Variants in WDPCP observed in about 807,000 individuals in gnomAD.
WDPCP encodes the protein WD repeat containing planar cell polarity effector.
WDPCP carries 71 observed loss-of-function variants against 93.1 expected under a neutral mutation model. The observed-to-expected ratio is 0.76, with a 90% CI of 0.63 to 0.93. The LOEUF is 0.93. Ranked by LOEUF, WDPCP falls within the 40% of genes least tolerant of loss-of-function variation. The pLI is 0.00. For missense variants in WDPCP, 844 were observed against 887.4 expected (o/e 0.95, Z 0.62); for synonymous variants, 315 against 315.0 (o/e 1.00, Z 0.00).
upstream of WDPCP, among the ~76,000 whole-genome samples, chr2:63,829,128 T>G (rs552042884): frequency 1.4e-4 from 22 of 152,240 alleles, no homozygotes; most frequent in South Asian, 4.4e-3. Flanking sequence ...ACAATCCAAT[T>G]CTACTTCCTA....
intron 12 of WDPCP, among the ~76,000 whole-genome samples, chr2:63,350,429 T>TA (rs1310860905): frequency 4.0e-5 from 6 of 149,104 alleles, no homozygotes; most frequent in African/African-American, 1.5e-4. Flanking sequence ...TCCTAGAACT[T>TA]AGAGTATAAA....
chr2:63,585,794 T>C (rs1220654206), intron 1 of WDPCP, among the ~76,000 whole-genome samples: 1 of 151,698 alleles, frequency 6.6e-6, no homozygotes, highest in East Asian at 1.9e-4. Flanking sequence ...AACAATTTTA[T>C]ATATGCTAGA....
chr2:63,813,897 T>C (rs1670893557), intron 1 of WDPCP, among the ~76,000 whole-genome samples: 1 of 152,226 alleles, frequency 6.6e-6, no homozygotes, highest in South Asian at 2.1e-4. Flanking sequence ...TGTTTGCTGA[T>C]AAATACTAAT....
intron 3 of WDPCP, 80 bp from the exon 4 acceptor site, chr2:63,486,666 T>G: frequency 8.3e-7 from 1 of 1,199,510 alleles, no homozygotes; most frequent in Non-Finnish European, 1.2e-6. Flanking sequence ...TATTTTAATA[T>G]GTACATGTAT....
intron 1 of WDPCP, among the ~76,000 whole-genome samples, chr2:63,547,191 CCA>C (rs1705216903): frequency 1.3e-5 from 2 of 151,758 alleles, no homozygotes; most frequent in African/African-American, 4.8e-5. Context: ...TAAATCAAAA[CCA>C]CAGAGACATC....
intron 2 of WDPCP, among the ~76,000 whole-genome samples, chr2:63,488,569 A>G (rs1700701614): frequency 6.6e-6 from 1 of 151,908 alleles, no homozygotes; most frequent in Non-Finnish European, 1.5e-5. Flanking sequence ...TTGGATACTG[A>G]TATTTTATTT....
chr2:63,489,246 T>A (rs1700736588), intron 2 of WDPCP, among the ~76,000 whole-genome samples: 1 of 152,018 alleles, frequency 6.6e-6, no homozygotes, highest in Admixed American at 6.6e-5. Flanking sequence ...GGTTTCCCAC[T>A]GTCTGAGAAG....
the WDPCP span, among the ~76,000 whole-genome samples, chr2:63,838,509 T>C: frequency 6.6e-6 from 1 of 152,314 alleles, no homozygotes; most frequent in South Asian, 2.1e-4. Flanking sequence ...TCACAATCCA[T>C]TTCACTCCAG....
intron 12 of WDPCP, among the ~76,000 whole-genome samples, chr2:63,364,538 C>G (rs575249601): frequency 6.6e-6 from 1 of 152,304 alleles, no homozygotes; most frequent in South Asian, 2.1e-4. Context: ...CCCTGCCTGT[C>G]ACCTGTCCTA....
At chr2:63,731,499 C>CAAT (rs1669561412) in intron 2 of WDPCP, among the ~76,000 whole-genome samples, 1 of 152,056 alleles carries the variant, frequency 6.6e-6, no homozygotes, top group Non-Finnish European at 1.5e-5. Context: ...CACAAGGCAA[C>CAAT]CCTGTACCCA....
intron 14 of WDPCP, among the ~76,000 whole-genome samples, chr2:63,256,411 T>A (rs1287671774): frequency 6.6e-6 from 1 of 152,132 alleles, no homozygotes; most frequent in African/African-American, 2.4e-5. Flanking sequence ...CAATACCTTT[T>A]CCACCGGAAT....
At chr2:63,151,069 C>G (rs1671855112) in intron 17 of WDPCP, among the ~76,000 whole-genome samples, 1 of 152,164 alleles carries the variant, frequency 6.6e-6, no homozygotes, top group Non-Finnish European at 1.5e-5. Context: ...AAAAACCATC[C>G]TATACTTTAG....
intron 2 of WDPCP, among the ~76,000 whole-genome samples, chr2:63,660,795 C>T (rs997263664): frequency 2.0e-5 from 3 of 152,124 alleles, no homozygotes; most frequent in Admixed American, 1.3e-4. Context: ...TTTAGTAACA[C>T]AGTATTATTT....
At chr2:63,344,470 T>C (rs1689054834) in intron 12 of WDPCP, among the ~76,000 whole-genome samples, 2 of 152,186 alleles carry the variant, frequency 1.3e-5, no homozygotes, top group South Asian at 4.1e-4. Context: ...AAACCCAGGG[T>C]GCATCTCATT....
chr2:63,622,433 G>A (rs752437713), intron 3 of WDPCP: 23 of 1,613,862 alleles, frequency 1.4e-5, no homozygotes, highest in East Asian at 2.2e-5. Flanking sequence ...ATAAGCTAGA[G>A]GAGACCCAGG....
intron 2 of WDPCP, among the ~76,000 whole-genome samples, chr2:63,740,919 C>T (rs537856019): frequency 3.9e-5 from 6 of 152,240 alleles, no homozygotes; most frequent in Admixed American, 3.3e-4. Context: ...TATATAATTG[C>T]TTTACTTCTA....
chr2:63,720,580 T>C (rs573948498), intron 2 of WDPCP, among the ~76,000 whole-genome samples: 8 of 152,276 alleles, frequency 5.3e-5, no homozygotes, highest in Non-Finnish European at 1.0e-4. Context: ...CCCTCCCCAT[T>C]GATTTTTTTT....
intron 2 of WDPCP, among the ~76,000 whole-genome samples, chr2:63,737,715 T>G (rs1669658253): frequency 6.6e-6 from 1 of 152,164 alleles, no homozygotes; most frequent in Admixed American, 6.6e-5. Context: ...AAACTTAGGC[T>G]CAACCTTTAC....
chr2:63,186,482 G>A (rs746522723), intron 14 of WDPCP, among the ~76,000 whole-genome samples: 2 of 152,218 alleles, frequency 1.3e-5, no homozygotes, highest in Non-Finnish European at 2.9e-5. Context: ...GCATCCTCCT[G>A]TTAGATCCCA....
Sources: allele counts gnomAD v4.1 joint callset (sites outside exome capture counted in the v4.1 genomes callset), GRCh38; gene constraint gnomAD v4.1.1; transcripts MANE v1.5; gene names NCBI Gene and HGNC (gene_info 2026-07-23, HGNC 2026-07-21).